Variants in COL24A1 observed in about 807,000 individuals in gnomAD.
COL24A1 encodes collagen type XXIV alpha 1 chain.
In COL24A1, 224 loss-of-function variants were observed where a neutral mutation model predicts 253.9. The observed-to-expected ratio is 0.88, with a 90% CI of 0.79 to 0.99. COL24A1 has a LOEUF of 0.99. Among genes scored for constraint, COL24A1 ranks in the 50% least tolerant of loss-of-function variants. The pLI is 0.00. For missense variants in COL24A1, 2,131 were observed against 2,068.5 expected, an observed-to-expected ratio of 1.03 and a Z score of -0.59; for synonymous variants, 685 against 673.7, an observed-to-expected ratio of 1.02 and a Z score of -0.26.
At chr1:85,766,718 A>AT (rs1042365137) in intron 53 of COL24A1, among the ~76,000 whole-genome samples, 20 of 152,096 alleles carry the variant, frequency 1.3e-4, no homozygotes, top group African/African-American at 4.3e-4. Context: ...TGCTTTGGTC[A>AT]TTTTTTTGGT....
At chr1:86,008,782 C>A (rs1051927054) in intron 19 of COL24A1, among the ~76,000 whole-genome samples, 1 of 151,688 alleles carries the variant, frequency 6.6e-6, no homozygotes, top group Non-Finnish European at 1.5e-5. Flanking sequence ...AAAAAAGAAA[C>A]CATTAAGGTA....
At chr1:86,027,990 T>C (rs1248950763) in intron 14 of COL24A1, among the ~76,000 whole-genome samples, 22 of 152,164 alleles carry the variant, frequency 1.4e-4, no homozygotes, top group Admixed American at 1.4e-3. Flanking sequence ...TTTTAAGTTT[T>C]AATGACTGCC....
chr1:85,923,896 T>A (rs1247375721), intron 24 of COL24A1, among the ~76,000 whole-genome samples: 2 of 151,810 alleles, frequency 1.3e-5, no homozygotes, highest in Admixed American at 1.3e-4. Context: ...TTTTTTGAAA[T>A]GATCAAAAAA....
chr1:85,755,918 A>AAC (rs1558001668), intron 55 of COL24A1, among the ~76,000 whole-genome samples: 1,932 of 120,678 alleles, frequency 0.016, 32 homozygotes, highest in African/African-American at 0.041. Context: ...AAAAAAAAAA[A>AAC]AACTTCTGTG....
At chr1:85,852,816 C>T (rs1314641679) in intron 37 of COL24A1, among the ~76,000 whole-genome samples, 2 of 151,996 alleles carry the variant, frequency 1.3e-5, no homozygotes, top group Non-Finnish European at 2.9e-5. Flanking sequence ...TTGTATATTA[C>T]TTTTATTTAT....
intron 24 of COL24A1, among the ~76,000 whole-genome samples, chr1:85,932,870 A>T (rs1423507530): frequency 1.3e-5 from 1 of 77,954 alleles, no homozygotes; most frequent in Non-Finnish European, 2.4e-5. Context: ...TCTCACTCAT[A>T]GGTGGGAATT....
intron 7 of COL24A1, among the ~76,000 whole-genome samples, chr1:86,072,197 A>C (rs1368430538): frequency 6.6e-6 from 1 of 152,128 alleles, no homozygotes; most frequent in Non-Finnish European, 1.5e-5. Flanking sequence ...GAAGCCAGGG[A>C]GCCAAGTGGT....
At chr1:85,861,817 C>G (rs946698353) in intron 37 of COL24A1, among the ~76,000 whole-genome samples, 1 of 152,198 alleles carries the variant, frequency 6.6e-6, no homozygotes, top group Non-Finnish European at 1.5e-5. Context: ...TCATGATCTA[C>G]TTCCTACCTA....
intron 55 of COL24A1, among the ~76,000 whole-genome samples, chr1:85,754,697 A>T (rs1666021283): frequency 6.6e-6 from 1 of 152,158 alleles, no homozygotes; most frequent in Non-Finnish European, 1.5e-5. Context: ...AAAATTTACT[A>T]GATAGGCTCT....
intron 7 of COL24A1, among the ~76,000 whole-genome samples, chr1:86,071,601 T>C (rs1278751565): frequency 6.6e-6 from 1 of 152,112 alleles, no homozygotes; most frequent in Non-Finnish European, 1.5e-5. Context: ...ATAGCTATAC[T>C]TATATCAGAC....
At chr1:85,871,801 C>T (rs1423213754) in intron 35 of COL24A1, among the ~76,000 whole-genome samples, 2 of 152,102 alleles carry the variant, frequency 1.3e-5, no homozygotes, top group Non-Finnish European at 2.9e-5. Context: ...ACAGGGATGC[C>T]CTCTCTCACC....
At chr1:86,108,640 AAAAAAAAAAAT>A (rs1705235503) in intron 5 of COL24A1, among the ~76,000 whole-genome samples, 1 of 147,602 alleles carries the variant, frequency 6.8e-6, no homozygotes, top group South Asian at 2.1e-4. Context: ...AAAAAAAAAA[AAAAAAAAAAAT>A]TTTAAATTAG....
chr1:85,965,477 C>G (rs555586847), intron 22 of COL24A1, among the ~76,000 whole-genome samples: 4 of 151,884 alleles, frequency 2.6e-5, no homozygotes, highest in Non-Finnish European at 5.9e-5. Flanking sequence ...AAGCCCTCAC[C>G]GAAAAGTTCT....
At position 86,125,733 on chromosome 1, in the gene COL24A1, A is replaced by G; in HGVS notation, c.603T>C (p.Ser201=). The G allele has an allele frequency of 6.2e-7, 1 of 1,610,748 alleles. No homozygotes were observed. Among genetic ancestry groups the G allele is most frequent in the East Asian group, 2.2e-5 (1 of 44,816 alleles). The part of the protein sequence containing the change: ...IPEVQTFDSN[S]VFTLGSMNNN... ...TATTCATACTTCCTAAAGTAAACAC[A>G]CTATTAGAATCAAAGGTCTGAACTT... The change falls in exon 3 of 60, where the codon AGT becomes AGC. Residue 201 remains serine (S), a synonymous_variant. Transcript: ENST00000370571.
chr1:85,961,372 T>C (rs1691045670), intron 23 of COL24A1, 79 bp from the exon 24 acceptor site: 1 of 1,134,926 alleles, frequency 8.8e-7, no homozygotes, highest in Non-Finnish European at 1.3e-6. Flanking sequence ...ATTTTCCTTT[T>C]TAATGTAATT....
chr1:86,074,749 C>A (rs538238064), intron 7 of COL24A1, among the ~76,000 whole-genome samples: 26 of 151,984 alleles, frequency 1.7e-4, no homozygotes, highest in Non-Finnish European at 2.8e-4. Context: ...GAAATCATAA[C>A]AAACAGTCTC....
chr1:85,805,804 G>A (rs745892697), intron 47 of COL24A1, among the ~76,000 whole-genome samples: 1 of 152,112 alleles, frequency 6.6e-6, no homozygotes, highest in Non-Finnish European at 1.5e-5. Flanking sequence ...GGCCGGGCGC[G>A]GTGGCTCACG....
chr1:86,110,888 C>A (rs1275123997), intron 5 of COL24A1, among the ~76,000 whole-genome samples: 1 of 152,128 alleles, frequency 6.6e-6, no homozygotes, highest in East Asian at 1.9e-4. Flanking sequence ...CCTCCTTCTC[C>A]GTGGTGCCTG....
At chr1:86,010,451 C>T (rs971530688) in intron 19 of COL24A1, among the ~76,000 whole-genome samples, 1 of 151,432 alleles carries the variant, frequency 6.6e-6, no homozygotes, top group Admixed American at 6.6e-5. Context: ...AGTCCTCAAA[C>T]AAAAAAAAGA....
Sources: gnomAD v4.1 joint callset for allele counts (sites outside exome capture counted in the v4.1 genomes callset) on GRCh38, gnomAD v4.1.1 for gene constraint, MANE v1.5 for transcripts, NCBI Gene and HGNC (gene_info 2026-07-23, HGNC 2026-07-21) for gene names.